Variants in CTDSPL2 observed in about 807,000 individuals in gnomAD.
CTDSPL2 encodes CTD small phosphatase-like protein 2.
CTDSPL2 carries 5 observed loss-of-function variants against 60.0 expected under a neutral mutation model. The observed-to-expected ratio is 0.08, with a 90% confidence interval of 0.04 to 0.18. The LOEUF (loss-of-function observed/expected upper bound fraction) is 0.18. Among genes scored for constraint, CTDSPL2 ranks in the 10% least tolerant of loss-of-function variants. The pLI is 1.00. For missense variants in CTDSPL2, 370 were observed against 548.8 expected, an observed-to-expected ratio of 0.67 and a Z score of 3.26; for synonymous variants, 186 against 189.3, an observed-to-expected ratio of 0.98 and a Z score of 0.14.
At chr15:44,492,643 A>G (rs538024676) in intron 5 of CTDSPL2, among the ~76,000 whole-genome samples, 1 of 152,346 alleles carries the variant, frequency 6.6e-6, no homozygotes, top group Non-Finnish European at 1.5e-5. Flanking sequence ...TATATAATGC[A>G]ATCCAGTAAT....
intron 2 of CTDSPL2, among the ~76,000 whole-genome samples, chr15:44,466,923 A>G (rs992914653): frequency 6.6e-6 from 1 of 152,160 alleles, no homozygotes; most frequent in Non-Finnish European, 1.5e-5. Context: ...TGGGTGACAC[A>G]GCGCGACTCC....
chr15:44,483,972 T>A (rs934807379), intron 2 of CTDSPL2, among the ~76,000 whole-genome samples: 8 of 152,212 alleles, frequency 5.3e-5, no homozygotes, highest in African/African-American at 1.7e-4. Flanking sequence ...CATGGAAAAC[T>A]TAATGGACCT....
intron 3 of CTDSPL2, among the ~76,000 whole-genome samples, chr15:44,486,076 A>G (rs1037160725): frequency 6.6e-6 from 1 of 152,306 alleles, no homozygotes; most frequent in South Asian, 2.1e-4. Context: ...ACACTGCTAT[A>G]TATAGCCTTT....
At chr15:44,519,557 A>C in intron 11 of CTDSPL2, 1 of 280,750 alleles carries the variant, frequency 3.6e-6, no homozygotes, top group South Asian at 6.5e-5. Flanking sequence ...CATTCTTATC[A>C]GTTATTAAAT....
chr15:44,450,088 A>G (rs969108409), intron 1 of CTDSPL2, among the ~76,000 whole-genome samples: 10 of 152,074 alleles, frequency 6.6e-5, no homozygotes, highest in African/African-American at 2.2e-4. Context: ...ACTTTTCTTC[A>G]GGAATGCTAC....
At chr15:44,451,725 GT>G (rs1049253676) in intron 1 of CTDSPL2, among the ~76,000 whole-genome samples, 1 of 152,070 alleles carries the variant, frequency 6.6e-6, no homozygotes, top group Non-Finnish European at 1.5e-5. Context: ...GTTGTTGGTT[GT>G]TTAGCAGTAA....
chr15:44,479,375 C>T (rs1254337864), intron 2 of CTDSPL2, among the ~76,000 whole-genome samples: 1 of 134,800 alleles, frequency 7.4e-6, no homozygotes, highest in African/African-American at 2.8e-5. Context: ...CTGAGTTTTT[C>T]TTCCTCTGCT....
At chr15:44,477,129 T>A (rs2080934543) in intron 2 of CTDSPL2, among the ~76,000 whole-genome samples, 1 of 152,180 alleles carries the variant, frequency 6.6e-6, no homozygotes, top group Admixed American at 6.5e-5. Context: ...CTTCAGAGGC[T>A]GAGGTGGGAG....
chr15:44,525,293 A>G lies in CTDSPL2; in HGVS notation c.*1119A>G, dbSNP rs2081854978. Reference sequence around the variant, plus strand: ...AATCCTGTGGCACAGTACACTCCCAAGCCACCAATGCAGTTAATATGCTCT... The same window carrying G: ...AATCCTGTGGCACAGTACACTCCCAGGCCACCAATGCAGTTAATATGCTCT... On this transcript the variant is annotated 3_prime_UTR_variant, in exon 13 of 13. Transcript: ENST00000260327. 3 of 397,762 alleles carry G rather than the reference A, an allele frequency of 7.5e-6. No individual in the cohort carries two copies. The highest frequency in any genetic ancestry group is 4.4e-5 in the Admixed American group (1 of 22,704). 24.6% of individuals were successfully genotyped at this position (397,762 alleles called of 1,614,324 possible). A position where few individuals can be genotyped will look rare whatever the true frequency, so the allele number is the denominator to read the frequency against.
At chr15:44,490,400 G>A (rs1410183992) in intron 4 of CTDSPL2, among the ~76,000 whole-genome samples, 1 of 152,016 alleles carries the variant, frequency 6.6e-6, no homozygotes, top group African/African-American at 2.4e-5. Flanking sequence ...CAAAGTGCTG[G>A]GATTACAGGC....
intron 2 of CTDSPL2, among the ~76,000 whole-genome samples, chr15:44,475,736 A>T (rs1218213694): frequency 6.6e-6 from 1 of 152,166 alleles, no homozygotes; most frequent in Non-Finnish European, 1.5e-5. Context: ...TATATATTTA[A>T]AGTATTAAAT....
intron 1 of CTDSPL2, among the ~76,000 whole-genome samples, chr15:44,437,096 T>A (rs1464294494): frequency 6.6e-6 from 1 of 152,240 alleles, no homozygotes; most frequent in Non-Finnish European, 1.5e-5. Context: ...GACTGACTCG[T>A]CACATTAAGT....
At position 44,524,464 on chromosome 15, in the gene CTDSPL2, C is replaced by T; in HGVS notation, c.*290C>T. The T allele has an allele frequency of 6.6e-6, 2 of 300,758 alleles. No homozygotes were observed. Among genetic ancestry groups the T allele is most frequent in the Non-Finnish European group, 1.2e-5 (2 of 162,044 alleles). The allele number at this position is 300,758 out of a possible 1,614,324, so 18.6% of individuals were successfully genotyped here. On this transcript the variant is annotated 3_prime_UTR_variant, in exon 13 of 13. Coordinates refer to ENST00000260327, the MANE Select transcript of CTDSPL2 (RefSeq NM_016396.3). ...AGTTTATAAAGAATTCTGTTTCTGC[C>T]ACCAGCAGTTTGACCTGTAGTCACA...
intron 1 of CTDSPL2, among the ~76,000 whole-genome samples, chr15:44,432,565 C>T (rs185692590): frequency 6.6e-6 from 1 of 151,546 alleles, no homozygotes; most frequent in Non-Finnish European, 1.5e-5. Context: ...TGTGATCCGC[C>T]CACTTTGGCG....
intron 8 of CTDSPL2, 127 bp downstream of exon 8, chr15:44,499,940 C>T (rs2081360307): frequency 8.9e-6 from 5 of 560,830 alleles, no homozygotes; most frequent in Non-Finnish European, 1.6e-5. Flanking sequence ...TGGATTTCAT[C>T]AACATTTTAA....
intron 1 of CTDSPL2, among the ~76,000 whole-genome samples, chr15:44,456,851 ATCTTTTTTTTTTT>A (rs1217007980): frequency 3.3e-5 from 3 of 90,838 alleles, no homozygotes; most frequent in African/African-American, 4.3e-5. Flanking sequence ...TCAGTTTTAG[ATCTTTTTTTTTTT>A]TCTTTTTTTT....
intron 8 of CTDSPL2, 84 bp from the exon 9 acceptor site, chr15:44,514,514 A>G (rs767702783): frequency 9.1e-5 from 74 of 817,658 alleles, no homozygotes; most frequent in Non-Finnish European, 1.4e-4. Flanking sequence ...CATTATAATC[A>G]AAGTTAGAAT....
intron 1 of CTDSPL2, among the ~76,000 whole-genome samples, chr15:44,443,303 T>A (rs1314780468): frequency 1.3e-5 from 2 of 152,226 alleles, no homozygotes; most frequent in Admixed American, 6.5e-5. Flanking sequence ...TTATCCATTC[T>A]TCCATTGGTG....
chr15:44,428,809 C>T (rs2079798839), intron 1 of CTDSPL2, among the ~76,000 whole-genome samples: 1 of 152,032 alleles, frequency 6.6e-6, no homozygotes, highest in Non-Finnish European at 1.5e-5. Flanking sequence ...GTTCCTGGTC[C>T]ATTTTTTATT....
Sources: allele counts gnomAD v4.1 joint callset (sites outside exome capture counted in the v4.1 genomes callset), GRCh38; gene constraint gnomAD v4.1.1; transcripts MANE v1.5; gene names NCBI Gene and HGNC (gene_info 2026-07-23, HGNC 2026-07-21).